Variants in OPRM1 observed in about 807,000 individuals in gnomAD.
The protein encoded by OPRM1 is mu-type opioid receptor.
OPRM1 carries 27 observed loss-of-function variants against 31.8 expected under a neutral mutation model. That is an observed-to-expected ratio of 0.85 (90% CI 0.63 to 1.17). The LOEUF is 1.17. OPRM1 is among the 50% of genes most tolerant of loss of function. OPRM1 has a pLI of 0.00. For synonymous variants in OPRM1, 196 were observed against 189.9 expected, an observed-to-expected ratio of 1.03 and a Z score of -0.26; for missense variants, 536 against 511.1, an observed-to-expected ratio of 1.05 and a Z score of -0.47.
intron 1 of OPRM1, among the ~76,000 whole-genome samples, chr6:154,088,993 C>T (rs1203956499): frequency 6.6e-6 from 1 of 152,168 alleles, no homozygotes; most frequent in East Asian, 1.9e-4. Context: ...TGAGATTAAA[C>T]TTGCACTTCC....
At chr6:154,197,133 T>C (rs1236971704) in intron 3 of OPRM1, among the ~76,000 whole-genome samples, 2 of 152,216 alleles carry the variant, frequency 1.3e-5, no homozygotes, top group African/African-American at 4.8e-5. Context: ...CATGTTAAGA[T>C]TTCTATCCCT....
At chr6:154,146,624 A>G (rs973749622) in intron 3 of OPRM1, among the ~76,000 whole-genome samples, 1 of 152,198 alleles carries the variant, frequency 6.6e-6, no homozygotes, top group Non-Finnish European at 1.5e-5. Flanking sequence ...TAAGGTGACA[A>G]GTTAGGGAAA....
At chr6:154,194,732 C>T (rs372910944) in intron 3 of OPRM1, among the ~76,000 whole-genome samples, 1 of 152,168 alleles carries the variant, frequency 6.6e-6, no homozygotes, top group African/African-American at 2.4e-5. Flanking sequence ...GAATGGCCTA[C>T]TTAAATCACA....
chr6:154,016,842 G>A (rs925505541), intron 1 of OPRM1, among the ~76,000 whole-genome samples: 1 of 152,154 alleles, frequency 6.6e-6, no homozygotes, highest in African/African-American at 2.4e-5. Flanking sequence ...GAGTCTGGTG[G>A]AGAGTTTCTC....
chr6:154,099,361 GAGAGAGAAAGAA>G (rs543281605), intron 3 of OPRM1, among the ~76,000 whole-genome samples: 156 of 148,456 alleles, frequency 1.1e-3, no homozygotes, highest in African/African-American at 3.6e-3. Flanking sequence ...GAGAGAGAGA[GAGAGAGAAAGAA>G]AGAGAAAGAA....
intron 1 of OPRM1, among the ~76,000 whole-genome samples, chr6:154,011,932 A>G (rs895058687): frequency 5.3e-5 from 8 of 152,180 alleles, no homozygotes. Context: ...TTTCCAATGA[A>G]TTCAAGCAAT....
intron 3 of OPRM1, among the ~76,000 whole-genome samples, chr6:154,166,390 C>T (rs528705042): frequency 6.6e-6 from 1 of 152,212 alleles, no homozygotes; most frequent in Non-Finnish European, 1.5e-5. Context: ...ACTAATGACT[C>T]AAACTGCACA....
At chr6:154,086,464 C>T (rs918589189) in intron 1 of OPRM1, 5 of 409,036 alleles carry the variant, frequency 1.2e-5, no homozygotes, top group African/African-American at 2.2e-5. Flanking sequence ...GTATATTTAC[C>T]ATATACAACA....
chr6:154,238,231 C>T (rs1304969535), intron 3 of OPRM1, among the ~76,000 whole-genome samples: 1 of 152,044 alleles, frequency 6.6e-6, no homozygotes, highest in Non-Finnish European at 1.5e-5. Flanking sequence ...TGTCTAAACT[C>T]GTGCCATGGT....
intron 3 of OPRM1, chr6:154,107,559 T>A (rs1488125825): frequency 1.4e-6 from 1 of 718,358 alleles, no homozygotes; most frequent in Non-Finnish European, 2.6e-6. Flanking sequence ...CCAGGAAGAG[T>A]CTAGAGCATT....
At chr6:154,198,639 C>A (rs568295075) in intron 3 of OPRM1, among the ~76,000 whole-genome samples, 1 of 150,516 alleles carries the variant, frequency 6.6e-6, no homozygotes, top group Non-Finnish European at 1.5e-5. Flanking sequence ...CATACACACA[C>A]ACACACACAC....
intron 1 of OPRM1, among the ~76,000 whole-genome samples, chr6:154,018,682 G>C (rs1778155908): frequency 6.6e-6 from 1 of 151,892 alleles, no homozygotes; most frequent in Non-Finnish European, 1.5e-5. Flanking sequence ...TACAGGTTCG[G>C]GAATGAAGAC....
chr6:154,110,458 G>T (rs1796220355), intron 3 of OPRM1: 2 of 1,262,032 alleles, frequency 1.6e-6, no homozygotes, highest in East Asian at 5.1e-5. Flanking sequence ...GGAAGCCAGA[G>T]AGCCTGGGTT....
intron 3 of OPRM1, among the ~76,000 whole-genome samples, chr6:154,164,984 A>C (rs1158389461): frequency 1.3e-5 from 2 of 152,020 alleles, no homozygotes. Context: ...CAGTGCAGGG[A>C]TTTTTCTTAT....
chr6:154,138,697 G>C (rs2128537139), intron 3 of OPRM1, among the ~76,000 whole-genome samples: 1 of 152,322 alleles, frequency 6.6e-6, no homozygotes, highest in East Asian at 1.9e-4. Context: ...ACTTAGTTTA[G>C]AGTTTATAGT....
rs1798454877 is a variant in OPRM1, at chr6:154,149,919, AG to A, written c.1164+58448del. Among the ~76,000 whole-genome samples the A allele has an allele frequency of 2.6e-5, 4 of 152,254 alleles. No individual in the cohort carries two copies. The South Asian group carries it at 8.3e-4, about 32-fold the overall frequency. On this transcript the variant is annotated intron_variant, in intron 3 of 3. Transcript: ENST00000337049. ...TTCCCTCACAGCGTCTCCTACTGAC[AG>A]CTCCCACCTCCACAGGACAGCCACC...
chr6:154,072,544 A>G (rs1787008564), intron 1 of OPRM1, among the ~76,000 whole-genome samples: 1 of 152,352 alleles, frequency 6.6e-6, no homozygotes, highest in Non-Finnish European at 1.5e-5. Context: ...GAGAACAAGC[A>G]TGAGACTCCA....
At chr6:154,049,380 A>G (rs1781775248) in intron 1 of OPRM1, among the ~76,000 whole-genome samples, 2 of 152,252 alleles carry the variant, frequency 1.3e-5, no homozygotes, top group South Asian at 4.1e-4. Context: ...GAAAGAAGAC[A>G]GCAGAGCATT....
In OPRM1 at chr6:154,093,657, G is replaced by C. The variant is rs78077040; in HGVS notation, c.1164+2185G>C. 23 of 924,494 alleles carry C rather than the reference G, an allele frequency of 2.5e-5. No individual in the cohort carries two copies. In the Admixed American group the frequency reaches 7.6e-4, roughly 30 times the overall value. The allele number at this position is 924,494 out of a possible 1,614,324, so 57.3% of individuals were successfully genotyped here. A position where few individuals can be genotyped will look rare whatever the true frequency, so the allele number is the denominator to read the frequency against. ...CCTCTATGAAGCAGTATCAGTGTAAGATAACAGCAGAAACACATTAGCCCT... is the reference window on the plus strand; with the variant it reads ...CCTCTATGAAGCAGTATCAGTGTAACATAACAGCAGAAACACATTAGCCCT... On this transcript the variant is annotated intron_variant, in intron 3 of 3. Coordinates refer to ENST00000330432, the MANE Select transcript of OPRM1 (RefSeq NM_000914.5).
Sources: gnomAD v4.1 joint callset for allele counts (sites outside exome capture counted in the v4.1 genomes callset) on GRCh38, gnomAD v4.1.1 for gene constraint, MANE v1.5 for transcripts, NCBI Gene and HGNC (gene_info 2026-07-23, HGNC 2026-07-21) for gene names.